The following CMYA5 variants were observed in gnomAD, a reference collection of about 807,000 sequenced individuals.
CMYA5 encodes the protein cardiomyopathy associated 5, also known as cardiomyopathy-associated protein 5.
A neutral mutation model predicts 318.9 loss-of-function variants in CMYA5; 246 were observed. That is an observed-to-expected ratio of 0.77 (90% CI 0.70 to 0.86). CMYA5 has a LOEUF of 0.86. Among genes scored for constraint, CMYA5 ranks in the 40% least tolerant of loss-of-function variants. The pLI is 0.00. For missense variants in CMYA5, 4,589 were observed against 4,678.2 expected (o/e 0.98, Z 0.56); for synonymous variants, 1,641 against 1,729.5 (o/e 0.95, Z 1.27).
chr5:79,799,753 G>A lies in CMYA5; in HGVS notation c.*137G>A, dbSNP rs1025024460. 4 of 1,165,556 alleles carry A rather than the reference G, an allele frequency of 3.4e-6. No individual in the cohort carries two copies. Among genetic ancestry groups the A allele is most frequent in the Middle Eastern group, 2.9e-4 (1 of 3,480 alleles). 72.2% of individuals were successfully genotyped at this position (1,165,556 alleles called of 1,614,324 possible). Reference sequence around the variant, plus strand: ...ATGATGGCTGCATGCATAGCAATCAGCATGTGAGCAAAATCGACAAGAAAA... The same window carrying A: ...ATGATGGCTGCATGCATAGCAATCAACATGTGAGCAAAATCGACAAGAAAA... On this transcript the variant is annotated 3_prime_UTR_variant, in exon 13 of 13. Coordinates refer to ENST00000446378, the MANE Select transcript of CMYA5 (RefSeq NM_153610.5).
intron 6 of CMYA5, among the ~76,000 whole-genome samples, chr5:79,756,155 G>T (rs1044797226): frequency 3.1e-5 from 4 of 131,096 alleles, no homozygotes; most frequent in Non-Finnish European, 7.0e-5. Flanking sequence ...TTTAGAATGT[G>T]ACATCCATTT....
chr5:79,772,729 G>A (rs2151097394), intron 9 of CMYA5, among the ~76,000 whole-genome samples: 1 of 152,216 alleles, frequency 6.6e-6, no homozygotes, highest in South Asian at 2.1e-4. Flanking sequence ...TATCTCTTTG[G>A]TTCTTTAATG....
chr5:79,708,403 C>T (rs1025942000), intron 1 of CMYA5, among the ~76,000 whole-genome samples: 1 of 152,036 alleles, frequency 6.6e-6, no homozygotes, highest in Non-Finnish European at 1.5e-5. Flanking sequence ...AGGCAGATCA[C>T]GAGGTCAGGA....
chr5:79,741,993 A>G (rs934897768), intron 2 of CMYA5, among the ~76,000 whole-genome samples: 6 of 151,424 alleles, frequency 4.0e-5, no homozygotes, highest in African/African-American at 1.5e-4. Flanking sequence ...TTGGTTGGCA[A>G]TTCCTCCTCC....
intron 1 of CMYA5, among the ~76,000 whole-genome samples, chr5:79,728,441 G>A (rs1827795446): frequency 6.6e-6 from 1 of 152,024 alleles, no homozygotes; most frequent in East Asian, 1.9e-4. Flanking sequence ...TAAGAGTGGG[G>A]GAAAATGAGG....
At chr5:79,756,906 A>G (rs549966242) in intron 6 of CMYA5, among the ~76,000 whole-genome samples, 2 of 152,222 alleles carry the variant, frequency 1.3e-5, no homozygotes, top group Admixed American at 6.5e-5. Flanking sequence ...AAAACATGCT[A>G]TTGGGTCAGG....
intron 1 of CMYA5, among the ~76,000 whole-genome samples, chr5:79,706,161 T>C (rs114251309): frequency 0.037 from 5,647 of 152,220 alleles, 170 homozygotes; most frequent in African/African-American, 0.079. Flanking sequence ...ATGTGCTGGA[T>C]ATACCAGCAT....
chr5:79,731,740 C>T lies in CMYA5; in HGVS notation c.2975C>T (p.Thr992Ile). The T allele has an allele frequency of 3.1e-6, 5 of 1,613,882 alleles. No individual in the cohort carries two copies. The highest frequency in any genetic ancestry group is 4.2e-6 in the Non-Finnish European group (5 of 1,179,856). ...CACACTATTTTGTCAGATGAAGACA[C>T]TGAAGAAGCGGAACTGTTCTCTCCA... ...SEHTILSDEDTEEAELFSPDS... is the reference protein window; with the variant it reads ...SEHTILSDEDIEEAELFSPDS... Residue 992 changes from threonine to isoleucine, a missense_variant, in exon 2 of 13, where the codon ACT becomes ATT. Physicochemically the swap from Thr to Ile is moderately conservative, Grantham distance 89. This residue lies in a region of CMYA5 where 2,132 missense variants were observed against 2,131.3 expected (regional missense o/e 1.00). Transcript: ENST00000446378.
chr5:79,789,744 A>G (rs1580808350), intron 10 of CMYA5, among the ~76,000 whole-genome samples: 1 of 152,106 alleles, frequency 6.6e-6, no homozygotes, highest in Admixed American at 6.5e-5. Context: ...GATTTTTATC[A>G]GACTCACAAT....
At position 79,737,346 on chromosome 5, in the gene CMYA5, G is replaced by A. The variant is rs1406151344; in HGVS notation, c.8581G>A (p.Val2861Met). Residue 2861 changes from valine to methionine, a missense_variant, in exon 2 of 13, where the codon GTG becomes ATG. Val to Met is a conservative substitution (Grantham distance 21, BLOSUM62 1). Transcript: ENST00000446378. Reference sequence around the variant, plus strand: ...GACATCTAAAGATGACACATCCGATGTGCCTAAACAATCTGTTCTTGTTTC... The same window carrying A: ...GACATCTAAAGATGACACATCCGATATGCCTAAACAATCTGTTCTTGTTTC... ...IQTSKDDTSD[V>M]PKQSVLVSKH... The A allele has an allele frequency of 4.3e-6, 7 of 1,613,842 alleles. No individual in the cohort carries two copies. The highest frequency in any genetic ancestry group is 5.9e-6 in the Non-Finnish European group (7 of 1,179,828).
In CMYA5 at chr5:79,738,275, AT is replaced by A. The variant is rs2151088336; in HGVS notation, c.9513del (p.Pro3172LeufsTer46). ...AAGGAGTTCTATCACGAACCCAGAT[AT>A]TTCCTACCACTATTAAAGTCATTGA... ...EEGVLSRTQIFPTTIKVIDPE... is the reference protein window; with the variant it reads ...EEGVLSRTQIXPTTIKVIDPE... On this transcript the variant is annotated frameshift_variant, in exon 2 of 13. Coordinates refer to ENST00000446378, the MANE Select transcript of CMYA5 (RefSeq NM_153610.5). LOFTEE classifies it high-confidence loss of function. 6.2e-7 allele frequency: 1 copy of A among 1,613,446 alleles called. No individual in the cohort carries two copies. The highest frequency in any genetic ancestry group is 8.5e-7 in the Non-Finnish European group (1 of 1,179,750).
chr5:79,720,112 C>G (rs1428680953), intron 1 of CMYA5, among the ~76,000 whole-genome samples: 1 of 152,024 alleles, frequency 6.6e-6, no homozygotes, highest in East Asian at 1.9e-4. Context: ...GGCAATGAGG[C>G]AGAAGCAATA....
rs771994067 is a variant in CMYA5, at chr5:79,735,794, TAA to T, written c.7032_7033del (p.Arg2345SerfsTer11). On this transcript the variant is annotated frameshift_variant, in exon 2 of 13. Coordinates refer to ENST00000446378, the MANE Select transcript of CMYA5 (RefSeq NM_153610.5). LOFTEE classifies it high-confidence loss of function. ...TTGTTCCTCCTCATGTTACTGATAG[TAA>T]AAGAGTCCAGAAGCCAGCAATCGCT... Reference protein sequence around the residue: ...TIVPPHVTDSKRVQKPAIAPP... With the variant: ...TIVPPHVTDSXRVQKPAIAPP... 3 of 1,555,796 alleles carry T rather than the reference TAA, an allele frequency of 1.9e-6. No individual in the cohort carries two copies. Among genetic ancestry groups the T allele is most frequent in the Admixed American group, 4.2e-5 (2 of 47,356 alleles).
rs757738994 is a variant in CMYA5 at position 79,735,687 on chromosome 5, A to T, written c.6922A>T (p.Thr2308Ser). 1 of 1,606,102 alleles carries T rather than the reference A, an allele frequency of 6.2e-7. No individual in the cohort carries two copies. Among genetic ancestry groups the T allele is most frequent in the South Asian group, 1.1e-5 (1 of 88,446 alleles). ...SEEMNINSVV[T>S]SADGENLEIQ... ...GGAAATGAACATAAACTCAGTAGTTACTTCTGCTGATGGTGAGAACCTTGA... is the reference window on the plus strand; with the variant it reads ...GGAAATGAACATAAACTCAGTAGTTTCTTCTGCTGATGGTGAGAACCTTGA... The change falls in exon 2 of 13, where the codon ACT becomes TCT. Residue 2308 changes from threonine (T) to serine (S), a missense_variant. By Grantham distance (58) the Thr-to-Ser change is moderately conservative. This residue lies in a region of CMYA5 where 2,431 missense variants were observed against 2,495.1 expected (regional missense o/e 0.97). Coordinates refer to ENST00000446378, the MANE Select transcript of CMYA5 (RefSeq NM_153610.5).
chr5:79,710,741 T>C (rs371437761), intron 1 of CMYA5, among the ~76,000 whole-genome samples: 8 of 152,190 alleles, frequency 5.3e-5, no homozygotes, highest in South Asian at 2.1e-4. Context: ...AATCTTGAAC[T>C]TTCCCCTGAG....
At position 79,732,465 on chromosome 5, in the gene CMYA5, C is replaced by T; in HGVS notation, c.3700C>T (p.Pro1234Ser). The change falls in exon 2 of 13, where the codon CCA becomes TCA. Residue 1234 changes from proline to serine, a missense_variant. Around this residue, in one of 3 missense-constraint regions of CMYA5, gnomAD observed 2,132 missense variants for 2,131.3 expected, o/e 1.00. Transcript: ENST00000446378. ...AATGGAGCCTCAGCCTCCAAATGTT[C>T]CAGAGTCTGAGATGAAATATTCAGT... ...QKMEPQPPNV[P>S]ESEMKYSVLP... 1 of 1,613,092 alleles carries T rather than the reference C, an allele frequency of 6.2e-7. No individual in the cohort carries two copies.
intron 12 of CMYA5, among the ~76,000 whole-genome samples, chr5:79,797,302 C>T (rs1215605902): frequency 6.6e-6 from 1 of 152,102 alleles, no homozygotes; most frequent in Non-Finnish European, 1.5e-5. Context: ...GAAAGAGACC[C>T]AAGACTCTTC....
chr5:79,738,364 C>G lies in CMYA5; in HGVS notation c.9599C>G (p.Ala3200Gly), dbSNP rs755921219. The G allele has an allele frequency of 1.9e-6, 3 of 1,613,632 alleles. No individual in the cohort carries two copies. In the South Asian group the frequency reaches 3.3e-5, roughly 18 times the overall value. ...TTATATAAGGATCTGTATGAAGAAG[C>G]AGTTGGAGAGAAAAAGAAGGAAGAG... Reference protein sequence around the residue: ...AFLYKDLYEEAVGEKKKEEET... With the variant: ...AFLYKDLYEEGVGEKKKEEET... Residue 3200 changes from alanine to glycine, a missense_variant, in exon 2 of 13, where the codon GCA becomes GGA. Around this residue, in one of 3 missense-constraint regions of CMYA5, gnomAD observed 2,431 missense variants for 2,495.1 expected, o/e 0.97. Transcript: ENST00000446378.
chr5:79,749,138 T>G (rs181520956), intron 5 of CMYA5, among the ~76,000 whole-genome samples: 1 of 152,244 alleles, frequency 6.6e-6, no homozygotes, highest in Non-Finnish European at 1.5e-5. Context: ...CATTGTCCAG[T>G]TGACAGTGAA....
Sources: allele counts gnomAD v4.1 joint callset (sites outside exome capture counted in the v4.1 genomes callset), GRCh38; gene constraint gnomAD v4.1.1; regional missense constraint gnomAD v4.1.1; transcripts MANE v1.5; gene names NCBI Gene and HGNC (gene_info 2026-07-23, HGNC 2026-07-21).